The following BMAL2 variants were observed in gnomAD, a reference collection of about 807,000 sequenced individuals.
BMAL2 encodes basic helix-loop-helix ARNT-like protein 2.
chr12:27,361,540 T>C, the BMAL2 span, among the ~76,000 whole-genome samples: 1 of 152,238 alleles, frequency 6.6e-6, no homozygotes, highest in Non-Finnish European at 1.5e-5. Context: ...TTAAGTCATA[T>C]ACTTCCAAAA....
At chr12:27,376,861 G>A in the BMAL2 span, among the ~76,000 whole-genome samples, 5 of 151,848 alleles carry the variant, frequency 3.3e-5, no homozygotes, top group African/African-American at 4.8e-5. Context: ...TTAGCCGGGC[G>A]TGGTGGTGGG....
At chr12:27,354,014 T>A in the BMAL2 span, among the ~76,000 whole-genome samples, 2 of 152,172 alleles carry the variant, frequency 1.3e-5, no homozygotes, top group African/African-American at 4.8e-5. Flanking sequence ...TTTGGAGGTT[T>A]CTCAAAGAAC....
chr12:27,422,082 G>T, the BMAL2 span: 1 of 152,006 alleles, frequency 6.6e-6, no homozygotes, highest in Non-Finnish European at 1.5e-5. Context: ...TCCAGAGGTG[G>T]CTCAAATTGA....
At chr12:27,368,637 A>T in the BMAL2 span, among the ~76,000 whole-genome samples, 1 of 152,190 alleles carries the variant, frequency 6.6e-6, no homozygotes, top group African/African-American at 2.4e-5. Flanking sequence ...AGAAAGAGAC[A>T]TAGGAACATG....
chr12:27,341,299 A>G, the BMAL2 span, among the ~76,000 whole-genome samples: 1 of 152,160 alleles, frequency 6.6e-6, no homozygotes, highest in African/African-American at 2.4e-5. Flanking sequence ...TTTAATACCT[A>G]TTTTGTTGAG....
the BMAL2 span, among the ~76,000 whole-genome samples, chr12:27,395,116 A>G: frequency 2.0e-5 from 3 of 152,374 alleles, no homozygotes; most frequent in East Asian, 3.9e-4. Flanking sequence ...TGAGAAAGAA[A>G]TCTGAAAAGG....
chr12:27,358,001 GATAA>G, the BMAL2 span, among the ~76,000 whole-genome samples: 1 of 151,646 alleles, frequency 6.6e-6, no homozygotes, highest in Non-Finnish European at 1.5e-5. Context: ...CAAAAGCAAA[GATAA>G]ATAAATAAAT....
At chr12:27,335,073 C>T in the BMAL2 span, among the ~76,000 whole-genome samples, 3 of 152,210 alleles carry the variant, frequency 2.0e-5, no homozygotes, top group Admixed American at 6.5e-5. Flanking sequence ...GAACGCTCAA[C>T]GAAACCTCTA....
At chr12:27,360,050 T>TA in the BMAL2 span, among the ~76,000 whole-genome samples, 3 of 67,288 alleles carry the variant, frequency 4.5e-5, no homozygotes, top group South Asian at 8.5e-4. Context: ...GAGACCCTAT[T>TA]TAAAAAAAAA....
At chr12:27,334,117 G>A in the BMAL2 span, among the ~76,000 whole-genome samples, 1 of 152,300 alleles carries the variant, frequency 6.6e-6, no homozygotes, top group Admixed American at 6.5e-5. Flanking sequence ...ATAATTGTGG[G>A]AATTTACATC....
At chr12:27,380,115 A>G in the BMAL2 span, 5 of 828,028 alleles carry the variant, frequency 6.0e-6, no homozygotes, top group Admixed American at 8.2e-5. Context: ...CTCACTGACA[A>G]CTGCAGGGCC....
the BMAL2 span, among the ~76,000 whole-genome samples, chr12:27,341,091 C>A: frequency 6.6e-6 from 1 of 151,072 alleles, no homozygotes; most frequent in Non-Finnish European, 1.5e-5. Context: ...TACTTGGATG[C>A]CCTTATTTCT....
chr12:27,370,306 C>A, the BMAL2 span: 2 of 1,072,978 alleles, frequency 1.9e-6, no homozygotes, highest in Non-Finnish European at 2.8e-6. Flanking sequence ...AAACATGATA[C>A]ACGTCCCACT....
chr12:27,344,023 T>A, the BMAL2 span, among the ~76,000 whole-genome samples: 1 of 152,234 alleles, frequency 6.6e-6, no homozygotes, highest in Non-Finnish European at 1.5e-5. Context: ...TACTATGTGC[T>A]AGGTGTTCTA....
the BMAL2 span, among the ~76,000 whole-genome samples, chr12:27,357,956 A>C: frequency 6.6e-6 from 1 of 152,188 alleles, no homozygotes; most frequent in South Asian, 2.1e-4. Context: ...GCTTAGGCAA[A>C]GAGTTCAAGA....
At chr12:27,387,321 G>A in the BMAL2 span, 2 of 1,572,456 alleles carry the variant, frequency 1.3e-6, no homozygotes, top group Non-Finnish European at 8.7e-7. Flanking sequence ...TTATGATCAG[G>A]TATCCAAAAA....
chr12:27,387,346 A>AG, the BMAL2 span: 3 of 1,461,906 alleles, frequency 2.1e-6, no homozygotes, highest in Non-Finnish European at 2.9e-6. Flanking sequence ...GATATTTTCC[A>AG]TACAATGTTT....
chr12:27,360,051 TAA>T, the BMAL2 span, among the ~76,000 whole-genome samples: 9 of 115,234 alleles, frequency 7.8e-5, no homozygotes, highest in African/African-American at 1.0e-4. Flanking sequence ...AGACCCTATT[TAA>T]AAAAAAAAAA....
chr12:27,340,449 G>A, the BMAL2 span, among the ~76,000 whole-genome samples: 3 of 152,118 alleles, frequency 2.0e-5, no homozygotes, highest in Non-Finnish European at 2.9e-5. Context: ...TCTCTATTCT[G>A]TTCCAATAGT....
Sources: gnomAD v4.1 joint callset for allele counts (sites outside exome capture counted in the v4.1 genomes callset) on GRCh38, gnomAD v4.1.1 for gene constraint, MANE v1.5 for transcripts, NCBI Gene and HGNC (gene_info 2026-07-23, HGNC 2026-07-21) for gene names.